Variants in TRAPPC6A observed in about 807,000 individuals in gnomAD.
The protein encoded by TRAPPC6A is TRAPP complex subunit 6A.
A neutral mutation model predicts 20.8 loss-of-function variants in TRAPPC6A; 25 were observed. That is an observed-to-expected ratio of 1.20 (90% CI 0.88 to 1.68). TRAPPC6A has a LOEUF of 1.68. Among genes scored for constraint, TRAPPC6A ranks in the 40% most tolerant of loss-of-function variants. The pLI, the probability that TRAPPC6A is intolerant of heterozygous loss-of-function variation, is 0.00. For missense variants in TRAPPC6A, 215 were observed against 211.6 expected, an observed-to-expected ratio of 1.02 and a Z score of -0.10; for synonymous variants, 96 against 93.3, an observed-to-expected ratio of 1.03 and a Z score of -0.16.
intron 1 of TRAPPC6A, 83 bp downstream of exon 1, chr19:45,178,052 C>T (rs1239919063): frequency 5.0e-6 from 8 of 1,598,638 alleles, no homozygotes; most frequent in Non-Finnish European, 6.0e-6. Flanking sequence ...GGGTTCGAAC[C>T]CGGACGCCTG....
intron 3 of TRAPPC6A, among the ~76,000 whole-genome samples, 183 bp from the exon 4 acceptor site, chr19:45,164,430 G>A (rs550070735): frequency 9.1e-4 from 138 of 152,240 alleles, no homozygotes; most frequent in African/African-American, 3.2e-3. Context: ...CAAACTTGGA[G>A]TGGGTGCCTG....
intron 1 of TRAPPC6A, among the ~76,000 whole-genome samples, chr19:45,167,703 G>A (rs1180010841): frequency 6.6e-6 from 1 of 152,158 alleles, no homozygotes; most frequent in African/African-American, 2.4e-5. Flanking sequence ...GGCGGGTCTC[G>A]AACTCCCAAC....
In TRAPPC6A at chr19:45,162,988, GGAATCCC is replaced by G; in HGVS notation, c.*197_*203del. ...ACTGGGCAGTGACGCTGCCGAGGCGGGAATCCCACCACAGTCCTGACCGCAGCTGGGA... is the reference window on the plus strand; with the variant it reads ...ACTGGGCAGTGACGCTGCCGAGGCGGACCACAGTCCTGACCGCAGCTGGGA... On this transcript the variant is annotated 3_prime_UTR_variant, in exon 6 of 6. Coordinates refer to ENST00000585934, the MANE Select transcript of TRAPPC6A (RefSeq NM_001270891.2). The G allele has an allele frequency of 2.2e-6, 1 of 449,004 alleles. No individual in the cohort carries two copies. The allele number at this position is 449,004 out of a possible 1,614,324, so 27.8% of individuals were successfully genotyped here.
At position 45,163,220 on chromosome 19, in the gene TRAPPC6A, T is replaced by G. The variant is rs572050421; in HGVS notation, c.452A>C (p.Lys151Thr). The G allele has an allele frequency of 6.2e-7, 1 of 1,613,800 alleles. No homozygotes were observed. Among genetic ancestry groups the G allele is most frequent in the Non-Finnish European group, 8.5e-7 (1 of 1,179,836 alleles). The change falls in exon 6 of 6, where the codon AAG becomes ACG. Residue 151 changes from lysine to threonine, a missense_variant. Physicochemically the swap from Lys to Thr is moderately conservative, Grantham distance 78. Transcript: ENST00000585934. The surrounding 1 kb of genome is among the most constrained non-coding windows in gnomAD (Gnocchi z 5.3). ...GGATTTCGGAATCACCACCTGGAAC[T>G]TACCTGGAAGAGAAGGCCTGGCTTA... ...TASVAALPVC[K>T]FQVVIPKS
chr19:45,171,315 A>T (rs1245186041), intron 1 of TRAPPC6A, among the ~76,000 whole-genome samples: 6 of 152,042 alleles, frequency 3.9e-5, no homozygotes, highest in South Asian at 2.1e-4. Flanking sequence ...ACAAAACAAA[A>T]CAAAACAAAA....
Position 45,162,986 on chromosome 19 carries a change from CG to C in TRAPPC6A, c.*205del. 2.2e-6 allele frequency: 1 copy of C among 445,516 alleles called. No individual in the cohort carries two copies. 27.6% of individuals were successfully genotyped at this position (445,516 alleles called of 1,614,324 possible). ...CTACTGGGCAGTGACGCTGCCGAGG[CG>C]GGAATCCCACCACAGTCCTGACCGC... On this transcript the variant is annotated 3_prime_UTR_variant, in exon 6 of 6. Transcript: ENST00000585934.
At position 45,164,073 on chromosome 19, in the gene TRAPPC6A, C is replaced by T; in HGVS notation, c.355-64G>A. On this transcript the variant is annotated intron_variant, in intron 4 of 5. Transcript: ENST00000585934. Reference sequence around the variant, plus strand: ...AGGCCAGCACCCGAGGTCTGGGGCACCCCTTAGGCCTGGGGAAAGGCCTGA... The same window carrying T: ...AGGCCAGCACCCGAGGTCTGGGGCATCCCTTAGGCCTGGGGAAAGGCCTGA... The T allele has an allele frequency of 1.4e-5, 21 of 1,548,654 alleles. No homozygotes were observed. The South Asian group carries it at 2.3e-4, about 17-fold the overall frequency.
Position 45,178,131 on chromosome 19 carries a change from T to C in TRAPPC6A, c.84+4A>G, listed in dbSNP as rs1246481140. On this transcript the variant is annotated splice_donor_region_variant and intron_variant, in intron 1 of 5. Transcript: ENST00000585934. The stretch of plus-strand genomic sequence containing the variant: ...GCTTCCTCCCCACGGAGCCCGGCGC[T>C]CACCCCCGGGCCGGGGTCGGGGTCG... 4 of 1,613,068 alleles carry C rather than the reference T, an allele frequency of 2.5e-6. No individual in the cohort carries two copies.
At chr19:45,165,698 T>C (rs79235455) in intron 1 of TRAPPC6A, among the ~76,000 whole-genome samples, 1,893 of 152,260 alleles carry the variant, frequency 0.012, 42 homozygotes, top group African/African-American at 0.042. Context: ...CCAAGATCCC[T>C]GGGGAACACG....
At chr19:45,166,210 C>CCAT (rs1178261239) in intron 1 of TRAPPC6A, among the ~76,000 whole-genome samples, 1 of 150,058 alleles carries the variant, frequency 6.7e-6, no homozygotes, top group African/African-American at 2.5e-5. Flanking sequence ...CCGCGCCTGG[C>CCAT]GAGTTTTCTT....
Position 45,163,899 on chromosome 19 carries a change from C to A in TRAPPC6A, c.448+17G>T, listed in dbSNP as rs766028715. The A allele has an allele frequency of 2.2e-5, 34 of 1,557,706 alleles. No homozygotes were observed. In the African/African-American group the frequency reaches 4.6e-4, roughly 21 times the overall value. ...ACTCAAGGGATGAGAAGAATCCCCC[C>A]ACCCCCCATGACTCACAGACGGGCA... On this transcript the variant is annotated intron_variant, in intron 5 of 5. Coordinates refer to ENST00000585934, the MANE Select transcript of TRAPPC6A (RefSeq NM_001270891.2). The surrounding 1 kb of genome is among the most constrained non-coding windows in gnomAD (Gnocchi z 5.3).
chr19:45,165,090 A>T (rs778399707), intron 2 of TRAPPC6A, 37 bp downstream of exon 2: 21 of 1,611,536 alleles, frequency 1.3e-5, no homozygotes, highest in Non-Finnish European at 1.7e-5. Flanking sequence ...CAGCCCTGCC[A>T]GCCAGGCTGG....
At chr19:45,165,076 T>C in intron 2 of TRAPPC6A, 51 bp downstream of exon 2, 1 of 1,610,446 alleles carries the variant, frequency 6.2e-7, no homozygotes, top group Non-Finnish European at 8.5e-7. Context: ...GCCCGGGGCC[T>C]GCCCAGCCCT....
rs941615727 is a variant in TRAPPC6A at position 45,173,604 on chromosome 19, C to T, written c.84+4531G>A. On this transcript the variant is annotated intron_variant, in intron 1 of 5. Transcript: ENST00000585934. The surrounding 1 kb of genome is among the most constrained non-coding windows in gnomAD (Gnocchi z 4.8). ...GGAGGGCTGTCCTGAGGACTAAATGCAGTCAACACTGTGCAAGTACTGCAC... is the reference window on the plus strand; with the variant it reads ...GGAGGGCTGTCCTGAGGACTAAATGTAGTCAACACTGTGCAAGTACTGCAC... Among the ~76,000 whole-genome samples, 2 of 152,216 alleles carry T rather than the reference C, an allele frequency of 1.3e-5. No homozygotes were observed. The highest frequency in any genetic ancestry group is 1.3e-4 in the Admixed American group (2 of 15,280).
At chr19:45,167,991 G>A (rs888824714) in intron 1 of TRAPPC6A, among the ~76,000 whole-genome samples, 2 of 136,016 alleles carry the variant, frequency 1.5e-5, no homozygotes, top group South Asian at 4.7e-4. Flanking sequence ...GCAAGACCCT[G>A]TCTTTTTTTT....
intron 1 of TRAPPC6A, among the ~76,000 whole-genome samples, chr19:45,176,545 G>A (rs1004208456): frequency 6.6e-6 from 1 of 152,050 alleles, no homozygotes; most frequent in Non-Finnish European, 1.5e-5. Context: ...CTTGAACGGT[G>A]GGCCTCAAGT....
chr19:45,167,325 TA>T (rs1299247153), intron 1 of TRAPPC6A, among the ~76,000 whole-genome samples: 2 of 152,214 alleles, frequency 1.3e-5, no homozygotes, highest in African/African-American at 4.8e-5. Context: ...TTAATTAACA[TA>T]AACAAGAGTG....
rs148807047 is a variant in TRAPPC6A, at chr19:45,165,137, G to C, written c.142C>G (p.Leu48Val). ...AGGGGCCGCGCTCACCTCTCGCCTA[G>C]AGCCTGGCCCACACGGAACCCCATA... ...EGMGFRVGQA[L>V]GERLPRETLA... Residue 48 changes from leucine to valine, a missense_variant, in exon 2 of 6, where the codon CTA (leucine) becomes GTA (valine). Physicochemically the swap from Leu to Val is conservative, Grantham distance 32. Transcript: ENST00000585934. The C allele has an allele frequency of 2.5e-6, 4 of 1,611,908 alleles. No individual in the cohort carries two copies. Among genetic ancestry groups the C allele is most frequent in the East Asian group, 2.2e-5 (1 of 44,672 alleles).
intron 1 of TRAPPC6A, among the ~76,000 whole-genome samples, chr19:45,171,389 C>T (rs1335514293): frequency 6.6e-6 from 1 of 152,206 alleles, no homozygotes; most frequent in African/African-American, 2.4e-5. Flanking sequence ...TGCCAGAGCC[C>T]AGCCCAGAGC....
Sources: allele counts gnomAD v4.1 joint callset (sites outside exome capture counted in the v4.1 genomes callset), GRCh38; gene constraint gnomAD v4.1.1; non-coding constraint Gnocchi (gnomAD v3.1); transcripts MANE v1.5; gene names NCBI Gene and HGNC (gene_info 2026-07-23, HGNC 2026-07-21).